PCDH9: variants seen among roughly 807,000 people sequenced by gnomAD.
PCDH9 encodes the protein protocadherin-9.
Under a neutral mutation model 70.6 loss-of-function variants are expected in PCDH9, and 24 were observed. The ratio of observed to expected loss-of-function variants is 0.34; its 90% CI spans 0.25 to 0.48. The LOEUF (loss-of-function observed/expected upper bound fraction) is 0.48. PCDH9 is among the 20% of genes least tolerant of loss of function. The pLI is 0.99. For synonymous variants in PCDH9, 562 were observed against 558.5 expected, an observed-to-expected ratio of 1.01 and a Z score of -0.09; for missense variants, 1,281 against 1,503.6, an observed-to-expected ratio of 0.85 and a Z score of 2.45.
chr13:67,051,438 G>A (rs2085323382), intron 2 of PCDH9, among the ~76,000 whole-genome samples: 1 of 131,376 alleles, frequency 7.6e-6, no homozygotes, highest in Non-Finnish European at 1.5e-5. Context: ...TGTCACCCAG[G>A]CTGGAGTGCA....
At chr13:66,577,035 TC>T (rs1354177433) in intron 4 of PCDH9, among the ~76,000 whole-genome samples, 1 of 151,906 alleles carries the variant, frequency 6.6e-6, no homozygotes, top group African/African-American at 2.4e-5. Flanking sequence ...ACACAAAATC[TC>T]ATGGAAAAAG....
intron 4 of PCDH9, among the ~76,000 whole-genome samples, chr13:66,605,062 TTTTTA>T (rs1263892448): frequency 2.0e-5 from 3 of 152,080 alleles, no homozygotes; most frequent in Non-Finnish European, 2.9e-5. Context: ...TCTCTGAAAT[TTTTTA>T]TTTTAATACA....
chr13:66,893,680 G>A (rs554746507), intron 3 of PCDH9, among the ~76,000 whole-genome samples: 2 of 152,066 alleles, frequency 1.3e-5, no homozygotes, highest in East Asian at 3.9e-4. Flanking sequence ...ACATGTGCAC[G>A]CAATAACATA....
At chr13:66,913,612 T>G (rs1445967872) in intron 2 of PCDH9, among the ~76,000 whole-genome samples, 1 of 152,036 alleles carries the variant, frequency 6.6e-6, no homozygotes, top group African/African-American at 2.4e-5. Flanking sequence ...GGATCTCCTC[T>G]GCTTATCCAA....
At position 66,594,615 on chromosome 13, in the gene PCDH9, A is replaced by C. The variant is rs576319580; in HGVS notation, c.3340+36595T>G. Among the ~76,000 whole-genome samples the C allele has an allele frequency of 2.6e-5, 4 of 151,546 alleles. No individual in the cohort carries two copies. The South Asian group carries it at 8.3e-4, about 32-fold the overall frequency. On this transcript the variant is annotated intron_variant, in intron 4 of 4. Transcript: ENST00000377865. ...CTACACCTGTCAACCCATCACCTAGATATTAAGCCCAGAATGCATCAGCTA... is the reference window on the plus strand; with the variant it reads ...CTACACCTGTCAACCCATCACCTAGCTATTAAGCCCAGAATGCATCAGCTA...
intron 3 of PCDH9, among the ~76,000 whole-genome samples, chr13:66,787,728 G>A (rs1450217161): frequency 6.6e-6 from 1 of 152,088 alleles, no homozygotes; most frequent in East Asian, 1.9e-4. Context: ...AAACTTAGCT[G>A]ACCTTCTGAA....
At chr13:67,016,260 A>G (rs942420151) in intron 2 of PCDH9, among the ~76,000 whole-genome samples, 6 of 152,326 alleles carry the variant, frequency 3.9e-5, no homozygotes, top group Non-Finnish European at 8.8e-5. Context: ...TAACTTACTT[A>G]TCATTGTCAC....
intron 4 of PCDH9, among the ~76,000 whole-genome samples, chr13:66,508,543 AAC>A (rs1366080395): frequency 6.6e-6 from 1 of 152,226 alleles, no homozygotes; most frequent in Non-Finnish European, 1.5e-5. Flanking sequence ...ATTACTTTGA[AAC>A]ACGGGTGATG....
intron 2 of PCDH9, among the ~76,000 whole-genome samples, chr13:67,023,838 A>G (rs980762352): frequency 2.0e-5 from 3 of 152,212 alleles, no homozygotes; most frequent in Non-Finnish European, 4.4e-5. Context: ...TAAAACTTAA[A>G]TACAATTTTT....
intron 4 of PCDH9, 133 bp from the exon 5 acceptor site, chr13:66,305,161 G>GAT: frequency 2.6e-6 from 2 of 774,794 alleles, no homozygotes. Flanking sequence ...GCAACTCAAA[G>GAT]ATATATTTCT....
At chr13:66,565,340 A>G (rs186145321) in intron 4 of PCDH9, among the ~76,000 whole-genome samples, 2 of 152,330 alleles carry the variant, frequency 1.3e-5, no homozygotes, top group African/African-American at 4.8e-5. Context: ...GTTTTGTGAT[A>G]AACATTGTTC....
chr13:67,009,830 T>G (rs1223402467), intron 2 of PCDH9, among the ~76,000 whole-genome samples: 2 of 151,978 alleles, frequency 1.3e-5, no homozygotes, highest in Admixed American at 1.3e-4. Flanking sequence ...AAATACAATA[T>G]AGTTATTATC....
chr13:66,687,221 G>T (rs560594766), intron 3 of PCDH9, among the ~76,000 whole-genome samples: 155 of 152,238 alleles, frequency 1.0e-3, no homozygotes, highest in African/African-American at 3.5e-3. Context: ...GAAAGGAATA[G>T]ACAATAACAT....
intron 3 of PCDH9, among the ~76,000 whole-genome samples, chr13:66,665,397 C>T (rs2064354682): frequency 6.6e-6 from 1 of 152,028 alleles, no homozygotes; most frequent in Admixed American, 6.6e-5. Context: ...CGCGCCTGAC[C>T]AGAAAGCTAA....
At chr13:66,943,655 T>C (rs553966187) in intron 2 of PCDH9, among the ~76,000 whole-genome samples, 1 of 152,170 alleles carries the variant, frequency 6.6e-6, no homozygotes, top group East Asian at 1.9e-4. Flanking sequence ...TCCTGGAGAT[T>C]GATACAGATC....
chr13:67,175,739 T>G (rs4883799), intron 2 of PCDH9, among the ~76,000 whole-genome samples: 69,877 of 151,930 alleles, frequency 0.46, 18,211 homozygotes, highest in Middle Eastern at 0.62. Flanking sequence ...TATAGTTATT[T>G]CTGTAACTGT....
At chr13:67,229,047 C>T (rs549496990) in intron 1 of PCDH9, among the ~76,000 whole-genome samples, 53 of 152,296 alleles carry the variant, frequency 3.5e-4, no homozygotes, top group South Asian at 8.3e-4. Context: ...AAAAGGCTAT[C>T]TTTTTCTTTC....
At chr13:66,539,992 C>G (rs1300660170) in intron 4 of PCDH9, among the ~76,000 whole-genome samples, 1 of 151,258 alleles carries the variant, frequency 6.6e-6, no homozygotes, top group Non-Finnish European at 1.5e-5. Context: ...ACCTTAGCCT[C>G]CTGAGTAGCT....
At chr13:66,789,752 T>G (rs2080134978) in intron 3 of PCDH9, among the ~76,000 whole-genome samples, 1 of 152,174 alleles carries the variant, frequency 6.6e-6, no homozygotes, top group African/African-American at 2.4e-5. Flanking sequence ...GTTTCTTTTG[T>G]ACAATATCTG....
Sources: gnomAD v4.1 joint callset for allele counts (sites outside exome capture counted in the v4.1 genomes callset) on GRCh38, gnomAD v4.1.1 for gene constraint, MANE v1.5 for transcripts, NCBI Gene and HGNC (gene_info 2026-07-23, HGNC 2026-07-21) for gene names.